Variants in KCNMA1 observed in about 807,000 individuals in gnomAD.
KCNMA1 encodes potassium calcium-activated channel subfamily M alpha 1, also known as Calcium-activated potassium channel subunit alpha-1.
In KCNMA1, 29 loss-of-function variants were observed where a neutral mutation model predicts 140.0. The ratio of observed to expected loss-of-function variants is 0.21; its 90% CI spans 0.15 to 0.28. The LOEUF is 0.28. KCNMA1 is among the 10% of genes least tolerant of loss of function. KCNMA1 has a pLI of 1.00. For synonymous variants in KCNMA1, 612 were observed against 611.9 expected (o/e 1.00, Z 0.00); for missense variants, 880 against 1,602.2 (o/e 0.55, Z 7.70).
In KCNMA1 at chr10:77,154,239, C is replaced by T. The variant is rs535548539; in HGVS notation, c.808+29182G>A. ...TGATTGTAAGTTTCCTGAGGCCTCC[C>T]CAGGCATGCGGAACTGTGAGTCAAT... is the stretch of plus-strand genomic sequence containing the variant. On this transcript the variant is annotated intron_variant, in intron 5 of 27. Coordinates refer to ENST00000286628, the MANE Select transcript of KCNMA1 (RefSeq NM_001161352.2). Among the ~76,000 whole-genome samples, 8 of 152,136 alleles carry T rather than the reference C, an allele frequency of 5.3e-5. No individual in the cohort carries two copies. The East Asian group carries it at 7.7e-4, about 15-fold the overall frequency.
At chr10:77,533,176 T>A (rs574399888) in intron 1 of KCNMA1, among the ~76,000 whole-genome samples, 1 of 152,150 alleles carries the variant, frequency 6.6e-6, no homozygotes, top group South Asian at 2.1e-4. Flanking sequence ...AGTGCTTTCA[T>A]CCCTCAGTGT....
At chr10:77,364,985 A>T (rs2094250727) in intron 2 of KCNMA1, among the ~76,000 whole-genome samples, 1 of 152,200 alleles carries the variant, frequency 6.6e-6, no homozygotes, top group Admixed American at 6.5e-5. Flanking sequence ...AACAAATCCA[A>T]TCCACTCGGG....
chr10:77,033,309 A>G (rs2094079011), intron 15 of KCNMA1, among the ~76,000 whole-genome samples: 1 of 152,190 alleles, frequency 6.6e-6, no homozygotes. Flanking sequence ...CCAAGAAAAG[A>G]GAAGTGATTT....
At chr10:77,160,803 C>T (rs559688969) in intron 5 of KCNMA1, among the ~76,000 whole-genome samples, 52 of 152,326 alleles carry the variant, frequency 3.4e-4, no homozygotes, top group African/African-American at 1.2e-3. Context: ...CCCTAATAGG[C>T]CCTGGTTTTG....
At chr10:77,295,799 A>AAAAAAAAC (rs2074874681) in intron 2 of KCNMA1, among the ~76,000 whole-genome samples, 1 of 149,160 alleles carries the variant, frequency 6.7e-6, no homozygotes, top group Non-Finnish European at 1.5e-5. Flanking sequence ...AAAAAAAAAA[A>AAAAAAAAC]AAAAAAAAAA....
At chr10:77,601,149 A>G (rs2082511547) in intron 1 of KCNMA1, among the ~76,000 whole-genome samples, 1 of 152,150 alleles carries the variant, frequency 6.6e-6, no homozygotes, top group African/African-American at 2.4e-5. Context: ...GTATTCAGAA[A>G]CATGATCTCC....
At chr10:77,366,622 T>A (rs2094382848) in intron 2 of KCNMA1, among the ~76,000 whole-genome samples, 1 of 152,142 alleles carries the variant, frequency 6.6e-6, no homozygotes, top group African/African-American at 2.4e-5. Context: ...ATGTTGCTGA[T>A]GTTCCATAGT....
At chr10:76,954,397 G>C (rs1346278065) in intron 20 of KCNMA1, among the ~76,000 whole-genome samples, 1 of 152,210 alleles carries the variant, frequency 6.6e-6, no homozygotes. Flanking sequence ...CATGAGGATG[G>C]AAAGCCAATT....
intron 1 of KCNMA1, among the ~76,000 whole-genome samples, chr10:77,489,059 G>A (rs1220699524): frequency 6.6e-6 from 1 of 152,146 alleles, no homozygotes; most frequent in Non-Finnish European, 1.5e-5. Flanking sequence ...GGTCATAAGG[G>A]TTGCAGGAGC....
chr10:77,162,727 C>A (rs528530228), intron 5 of KCNMA1, among the ~76,000 whole-genome samples: 18 of 152,246 alleles, frequency 1.2e-4, no homozygotes, highest in African/African-American at 3.4e-4. Flanking sequence ...ATTAGACAGG[C>A]AAATTAACTT....
chr10:77,044,192 G>T (rs2094904592), intron 14 of KCNMA1, among the ~76,000 whole-genome samples: 1 of 152,086 alleles, frequency 6.6e-6, no homozygotes, highest in Non-Finnish European at 1.5e-5. Flanking sequence ...CACAAACTCA[G>T]CAACAGAACT....
intron 3 of KCNMA1, among the ~76,000 whole-genome samples, chr10:77,236,682 A>G (rs930070657): frequency 6.6e-6 from 1 of 152,272 alleles, no homozygotes; most frequent in African/African-American, 2.4e-5. Flanking sequence ...ACATACGTTT[A>G]TACAGTATAT....
intron 3 of KCNMA1, among the ~76,000 whole-genome samples, chr10:77,218,661 A>G (rs1329979808): frequency 6.6e-6 from 1 of 152,242 alleles, no homozygotes; most frequent in African/African-American, 2.4e-5. Flanking sequence ...TTCAAAATAT[A>G]TGAGACTGTT....
intron 22 of KCNMA1, among the ~76,000 whole-genome samples, chr10:76,946,724 C>A (rs1458608901): frequency 6.6e-6 from 1 of 152,182 alleles, no homozygotes; most frequent in Non-Finnish European, 1.5e-5. Flanking sequence ...CAATTGCCTG[C>A]ATCCATATTC....
intron 2 of KCNMA1, among the ~76,000 whole-genome samples, chr10:77,283,833 A>C (rs1228136911): frequency 6.6e-6 from 1 of 152,242 alleles, no homozygotes; most frequent in Non-Finnish European, 1.5e-5. Context: ...ATGTGAACCC[A>C]AAATGAAATA....
intron 1 of KCNMA1, among the ~76,000 whole-genome samples, chr10:77,424,640 A>G (rs147683491): frequency 2.0e-4 from 30 of 152,318 alleles, no homozygotes; most frequent in African/African-American, 7.0e-4. Context: ...CTCAGGGGAA[A>G]CAGACAAGTA....
intron 1 of KCNMA1, among the ~76,000 whole-genome samples, chr10:77,563,300 C>A (rs113505090): frequency 4.0e-4 from 61 of 152,182 alleles, no homozygotes; most frequent in African/African-American, 1.1e-3. Context: ...ACATTGTCCC[C>A]AGTACCTCTA....
intron 18 of KCNMA1, among the ~76,000 whole-genome samples, chr10:77,007,923 GAC>G (rs761804029): frequency 6.6e-5 from 10 of 152,040 alleles, no homozygotes; most frequent in African/African-American, 2.4e-4. Flanking sequence ...AGAAAAATAA[GAC>G]AGTGCCCGAA....
chr10:76,984,720 GTAT>G (rs2080702824), intron 19 of KCNMA1, among the ~76,000 whole-genome samples: 1 of 78,538 alleles, frequency 1.3e-5, no homozygotes, highest in Non-Finnish European at 3.3e-5. Flanking sequence ...GCTGAATCCA[GTAT>G]TGTGTGTGTA....
Sources: gnomAD v4.1 joint callset for allele counts (sites outside exome capture counted in the v4.1 genomes callset) on GRCh38, gnomAD v4.1.1 for gene constraint, MANE v1.5 for transcripts, NCBI Gene and HGNC (gene_info 2026-07-23, HGNC 2026-07-21) for gene names.